SLC41A3: variants seen among roughly 807,000 people sequenced by gnomAD.
The protein encoded by SLC41A3 is solute carrier family 41 member 3.
SLC41A3 carries 44 observed loss-of-function variants against 45.4 expected under a neutral mutation model. The ratio of observed to expected loss-of-function variants is 0.97; its 90% CI spans 0.76 to 1.25. The LOEUF (loss-of-function observed/expected upper bound fraction) is 1.25. SLC41A3 is among the 50% of genes most tolerant of loss of function. The pLI is 0.00. For missense variants in SLC41A3, 550 were observed against 600.6 expected (o/e 0.92, Z 0.88); for synonymous variants, 256 against 252.4 (o/e 1.01, Z -0.13).
chr3:126,035,346 C>T (rs1207464851), intron 3 of SLC41A3, among the ~76,000 whole-genome samples: 1 of 152,056 alleles, frequency 6.6e-6, no homozygotes, highest in Non-Finnish European at 1.5e-5. Context: ...CAGGGCTGAC[C>T]AAGCTGGTGA....
intron 1 of SLC41A3, among the ~76,000 whole-genome samples, chr3:126,080,964 C>A (rs771389452): frequency 6.1e-5 from 9 of 148,532 alleles, no homozygotes; most frequent in Admixed American, 2.0e-4. Context: ...AAAAAAAAAA[C>A]AAACTAAAAA....
intron 2 of SLC41A3, chr3:126,056,961 G>C: frequency 1.4e-5 from 15 of 1,052,188 alleles, no homozygotes; most frequent in Non-Finnish European, 1.6e-5. Flanking sequence ...GGGCTGGACA[G>C]AGCTGAAGCC....
chr3:126,067,094 C>CG (rs149577703), intron 2 of SLC41A3, among the ~76,000 whole-genome samples: 15 of 126,204 alleles, frequency 1.2e-4, no homozygotes, highest in African/African-American at 2.0e-4. Flanking sequence ...GGTTGGACCG[C>CG]CCCCCCGCCC....
At chr3:126,021,045 C>G (rs973400763) in intron 6 of SLC41A3, among the ~76,000 whole-genome samples, 2 of 152,152 alleles carry the variant, frequency 1.3e-5, no homozygotes, top group Non-Finnish European at 2.9e-5. Flanking sequence ...CAGGCGCCCG[C>G]CACCATGCCT....
chr3:126,058,677 G>A (rs1943825118), intron 2 of SLC41A3, among the ~76,000 whole-genome samples: 1 of 152,234 alleles, frequency 6.6e-6, no homozygotes, highest in African/African-American at 2.4e-5. Flanking sequence ...CAGGTGCACT[G>A]TGAGGATGGC....
At chr3:126,056,854 G>A (rs550915937) in intron 2 of SLC41A3, 25 of 1,204,060 alleles carry the variant, frequency 2.1e-5, no homozygotes, top group South Asian at 7.3e-5. Context: ...TGTGTCCGCC[G>A]GGACCTCCCT....
intron 2 of SLC41A3, among the ~76,000 whole-genome samples, chr3:126,067,075 G>C (rs1209756226): frequency 1.3e-5 from 2 of 151,204 alleles, no homozygotes; most frequent in Non-Finnish European, 2.9e-5. Flanking sequence ...CACTGGGTCA[G>C]GGTCTGTGGG....
At chr3:126,056,600 G>T (rs924427224) in intron 2 of SLC41A3, 12 of 1,581,304 alleles carry the variant, frequency 7.6e-6, no homozygotes, top group Non-Finnish European at 9.5e-6. Context: ...CAGAGCCTGG[G>T]GTGCTCCAGT....
intron 1 of SLC41A3, among the ~76,000 whole-genome samples, chr3:126,077,983 G>A (rs192640439): frequency 6.6e-5 from 10 of 152,318 alleles, no homozygotes; most frequent in East Asian, 3.9e-4. Context: ...GGGCCCAGGC[G>A]GCACCGGTGT....
At chr3:126,091,902 C>T (rs977032377) in intron 1 of SLC41A3, among the ~76,000 whole-genome samples, 2 of 152,158 alleles carry the variant, frequency 1.3e-5, no homozygotes, top group African/African-American at 4.8e-5. Flanking sequence ...GATGTTAATG[C>T]TGGTCAGCTG....
chr3:126,096,366 G>C (rs911676826), intron 1 of SLC41A3, among the ~76,000 whole-genome samples: 2 of 151,076 alleles, frequency 1.3e-5, no homozygotes, highest in Non-Finnish European at 2.9e-5. Flanking sequence ...AAAAAAGGGG[G>C]ACATGTTGGG....
chr3:126,010,524 G>A (rs1376264894), intron 9 of SLC41A3, among the ~76,000 whole-genome samples: 2 of 152,194 alleles, frequency 1.3e-5, no homozygotes, highest in Non-Finnish European at 2.9e-5. Flanking sequence ...GCCAGGAAAG[G>A]GGAAGCCCGG....
At chr3:126,060,439 T>TACACACAC (rs60317078) in intron 2 of SLC41A3, among the ~76,000 whole-genome samples, 19 of 146,418 alleles carry the variant, frequency 1.3e-4, no homozygotes, top group East Asian at 1.0e-3. Flanking sequence ...GTGAGAAGGA[T>TACACACAC]ACACACACAC....
At chr3:126,070,574 A>G (rs1291572990) in intron 1 of SLC41A3, among the ~76,000 whole-genome samples, 1 of 152,262 alleles carries the variant, frequency 6.6e-6, no homozygotes, top group African/African-American at 2.4e-5. Context: ...AATAGAAGCC[A>G]GAAGGCAACA....
chr3:126,011,872 G>A (rs1278329159), intron 9 of SLC41A3, among the ~76,000 whole-genome samples: 1 of 151,792 alleles, frequency 6.6e-6, no homozygotes, highest in Non-Finnish European at 1.5e-5. Context: ...GAAGGCTAAA[G>A]GTAGTTCTTA....
At chr3:126,066,865 T>G (rs1944371017) in intron 2 of SLC41A3, among the ~76,000 whole-genome samples, 1 of 152,202 alleles carries the variant, frequency 6.6e-6, no homozygotes, top group Non-Finnish European at 1.5e-5. Context: ...TCTGTAGGAC[T>G]GCTCTCTCTG....
chr3:126,012,122 C>T (rs1209029608), intron 9 of SLC41A3, among the ~76,000 whole-genome samples: 2 of 152,190 alleles, frequency 1.3e-5, no homozygotes, highest in East Asian at 1.9e-4. Context: ...TGCCACACTC[C>T]TTCCTGCCTC....
upstream of SLC41A3, among the ~76,000 whole-genome samples, chr3:126,087,757 A>G (rs1382523056): frequency 1.3e-5 from 2 of 151,264 alleles, no homozygotes; most frequent in East Asian, 1.9e-4. Flanking sequence ...TGAATGGTCT[A>G]TGTAAGTTGT....
chr3:126,045,618 A>C (rs973633496), intron 3 of SLC41A3, among the ~76,000 whole-genome samples: 11 of 152,194 alleles, frequency 7.2e-5, no homozygotes, highest in African/African-American at 2.7e-4. Flanking sequence ...AAATGAAATC[A>C]GTAATTAAAA....
Sources: allele counts gnomAD v4.1 joint callset (sites outside exome capture counted in the v4.1 genomes callset), GRCh38; gene constraint gnomAD v4.1.1; transcripts MANE v1.5; gene names NCBI Gene and HGNC (gene_info 2026-07-23, HGNC 2026-07-21).